The following NOX4 variants were observed in gnomAD, a reference collection of about 807,000 sequenced individuals.
NOX4 encodes the protein kidney oxidase-1.
A neutral mutation model predicts 87.6 loss-of-function variants in NOX4; 69 were observed. The observed-to-expected ratio is 0.79, with a 90% confidence interval of 0.65 to 0.96. The LOEUF (loss-of-function observed/expected upper bound fraction) is 0.96. Ranked by LOEUF, NOX4 falls within the 40% of genes least tolerant of loss-of-function variation. The pLI, the probability that NOX4 is intolerant of heterozygous loss-of-function variation, is 0.00. For missense variants in NOX4, 680 were observed against 681.5 expected, an observed-to-expected ratio of 1.00 and a Z score of 0.02; for synonymous variants, 275 against 238.2, an observed-to-expected ratio of 1.15 and a Z score of -1.42.
chr11:89,520,183 G>A, the NOX4 span, among the ~76,000 whole-genome samples: 31 of 151,894 alleles, frequency 2.0e-4, no homozygotes, highest in African/African-American at 5.1e-4. Context: ...TGAGACATGC[G>A]CTACAGTTAT....
chr11:89,549,860 G>A, the NOX4 span, among the ~76,000 whole-genome samples: 1 of 152,134 alleles, frequency 6.6e-6, no homozygotes, highest in African/African-American at 2.4e-5. Flanking sequence ...AGTATTCCAT[G>A]GTGTATATGT....
the NOX4 span, among the ~76,000 whole-genome samples, chr11:89,526,903 G>A: frequency 6.6e-6 from 1 of 152,196 alleles, no homozygotes; most frequent in Non-Finnish European, 1.5e-5. Flanking sequence ...TTGGAAGTGT[G>A]TAACAGGCAG....
At chr11:89,360,481 A>T (rs1938435916) in intron 12 of NOX4, among the ~76,000 whole-genome samples, 1 of 152,106 alleles carries the variant, frequency 6.6e-6, no homozygotes. Context: ...TGTCAATTAT[A>T]CCTAAATAAA....
At chr11:89,372,365 C>A (rs1939509428) in intron 12 of NOX4, among the ~76,000 whole-genome samples, 1 of 151,964 alleles carries the variant, frequency 6.6e-6, no homozygotes, top group Non-Finnish European at 1.5e-5. Context: ...ACCAAGCTGG[C>A]CCTAAATGGC....
chr11:89,353,679 T>C (rs1437418226), intron 13 of NOX4, among the ~76,000 whole-genome samples: 1 of 152,050 alleles, frequency 6.6e-6, no homozygotes, highest in Non-Finnish European at 1.5e-5. Flanking sequence ...TAGCTGCAAA[T>C]AGATAACCAC....
chr11:89,524,493 T>C, the NOX4 span, among the ~76,000 whole-genome samples: 1 of 152,086 alleles, frequency 6.6e-6, no homozygotes, highest in East Asian at 1.9e-4. Context: ...TACCTAATTT[T>C]CTCTGGCTTT....
At chr11:89,420,686 T>C (rs535239957) in intron 8 of NOX4, among the ~76,000 whole-genome samples, 6 of 152,322 alleles carry the variant, frequency 3.9e-5, no homozygotes, top group African/African-American at 1.4e-4. Context: ...ACTGTACTGA[T>C]AAATTACATT....
chr11:89,488,912 T>C (rs1946735412), intron 2 of NOX4: 3 of 667,998 alleles, frequency 4.5e-6, no homozygotes, highest in Non-Finnish European at 8.0e-6. Context: ...GTTTTTCCAT[T>C]ATATTGTAAG....
the NOX4 span, chr11:89,577,063 G>T: frequency 6.6e-6 from 1 of 151,828 alleles, no homozygotes; most frequent in Non-Finnish European, 1.5e-5. Context: ...ACCTGTTAAG[G>T]GTCCCAATTT....
the NOX4 span, among the ~76,000 whole-genome samples, chr11:89,553,295 C>A: frequency 2.6e-5 from 4 of 152,124 alleles, no homozygotes; most frequent in Non-Finnish European, 5.9e-5. Flanking sequence ...ATGCCATTCT[C>A]ATGATGGTGA....
chr11:89,572,521 AT>A, the NOX4 span, among the ~76,000 whole-genome samples: 2 of 150,846 alleles, frequency 1.3e-5, no homozygotes, highest in Admixed American at 6.6e-5. Flanking sequence ...GCAGAATTAT[AT>A]GTTTTTTTGT....
intron 6 of NOX4, among the ~76,000 whole-genome samples, chr11:89,433,144 A>G (rs1943899104): frequency 6.6e-6 from 1 of 152,120 alleles, no homozygotes; most frequent in African/African-American, 2.4e-5. Context: ...TCCATCCATC[A>G]TCTCAAACAT....
At chr11:89,431,443 G>T (rs2135308960) in intron 7 of NOX4, among the ~76,000 whole-genome samples, 1 of 152,202 alleles carries the variant, frequency 6.6e-6, no homozygotes, top group South Asian at 2.1e-4. Flanking sequence ...GAAAATTTTT[G>T]CAGTCTACCT....
chr11:89,522,606 A>G, the NOX4 span, among the ~76,000 whole-genome samples: 16 of 152,194 alleles, frequency 1.1e-4, no homozygotes, highest in African/African-American at 3.9e-4. Context: ...ATACACCCTG[A>G]TAACATACCT....
chr11:89,377,557 C>T (rs571364460), intron 11 of NOX4, among the ~76,000 whole-genome samples: 1 of 151,610 alleles, frequency 6.6e-6, no homozygotes, highest in Non-Finnish European at 1.5e-5. Context: ...TATAACAGTC[C>T]CACAAAATAT....
the NOX4 span, among the ~76,000 whole-genome samples, chr11:89,578,113 T>A: frequency 6.6e-6 from 1 of 152,064 alleles, no homozygotes; most frequent in African/African-American, 2.4e-5. Flanking sequence ...CTTTTGGAAG[T>A]ATATGCTTGG....
chr11:89,363,071 A>G (rs924728132), intron 12 of NOX4, among the ~76,000 whole-genome samples: 3 of 152,244 alleles, frequency 2.0e-5, no homozygotes, highest in East Asian at 3.9e-4. Context: ...ATTCTAAATT[A>G]TTTATCAAAA....
the NOX4 span, among the ~76,000 whole-genome samples, chr11:89,543,617 G>A: frequency 3.9e-5 from 6 of 151,972 alleles, no homozygotes; most frequent in South Asian, 1.3e-3. Context: ...TACATAATAG[G>A]GAGTCGAGGA....
intron 13 of NOX4, among the ~76,000 whole-genome samples, chr11:89,350,381 TC>T (rs1356053648): frequency 5.9e-5 from 9 of 152,294 alleles, no homozygotes; most frequent in African/African-American, 2.2e-4. Flanking sequence ...TTTCCATATT[TC>T]ATTATTTGTT....
Sources: gnomAD v4.1 joint callset for allele counts (sites outside exome capture counted in the v4.1 genomes callset) on GRCh38, gnomAD v4.1.1 for gene constraint, MANE v1.5 for transcripts, NCBI Gene and HGNC (gene_info 2026-07-23, HGNC 2026-07-21) for gene names.